The following GML variants were observed in gnomAD, a reference collection of about 807,000 sequenced individuals.
GML encodes the protein glycosyl-phosphatidylinositol-anchored molecule-like protein.
A neutral mutation model predicts 8.2 loss-of-function variants in GML; 5 were observed. The observed-to-expected ratio is 0.61, with a 90% CI of 0.32 to 1.28. The LOEUF is 1.28. Ranked by LOEUF, GML falls within the 50% of genes most tolerant of loss-of-function variation. The pLI is 0.06. For missense variants in GML, 191 were observed against 198.3 expected (o/e 0.96, Z 0.22); for synonymous variants, 72 against 69.0 (o/e 1.04, Z -0.22).
chr8:142,840,429 C>A lies in GML; in HGVS notation c.-9C>A. ...CCTTCCCTTCAGGTCCAGGCTCCTG[C>A]GTGAAGTGATGCTCCTCTTTGCCTT... On this transcript the variant is annotated 5_prime_UTR_variant, in exon 2 of 4. An upstream open reading frame in the 5' UTR gains an earlier in-frame stop. Coordinates refer to ENST00000220940, the MANE Select transcript of GML (RefSeq NM_002066.3). The A allele has an allele frequency of 6.2e-7, 1 of 1,611,102 alleles. No homozygotes were observed. The highest frequency in any genetic ancestry group is 8.5e-7 in the Non-Finnish European group (1 of 1,177,232).
intron 3 of GML, among the ~76,000 whole-genome samples, chr8:142,844,816 G>A (rs1387825926): frequency 1.3e-5 from 2 of 152,186 alleles, no homozygotes; most frequent in Non-Finnish European, 2.9e-5. Context: ...TCTGAACTGT[G>A]CACAATCCCT....
At chr8:142,842,241 C>T (rs1249878738) in intron 3 of GML, among the ~76,000 whole-genome samples, 1 of 152,216 alleles carries the variant, frequency 6.6e-6, no homozygotes, top group Non-Finnish European at 1.5e-5. Flanking sequence ...TTCCTGAGGC[C>T]TCCCCAGCCA....
chr8:142,841,360 T>G (rs1002247302), intron 3 of GML, 135 bp downstream of exon 3: 4 of 645,690 alleles, frequency 6.2e-6, no homozygotes, highest in African/African-American at 1.8e-5. Context: ...CCATCCTGAG[T>G]GCGTTTCTGC....
At position 142,841,196 on chromosome 8, in the gene GML, A is replaced by C; in HGVS notation, c.152A>C (p.His51Pro). Residue 51 changes from histidine to proline, a missense_variant, in exon 3 of 4, where the codon CAT becomes CCT. Coordinates refer to ENST00000220940, the MANE Select transcript of GML (RefSeq NM_002066.3). ...CCCAACATTAGAGTATGTCCGTATC[A>C]TATTAGGCGCTGTATGACAATCTCC... ...NCPNIRVCPYHIRRCMTISIR... is the reference protein window; with the variant it reads ...NCPNIRVCPYPIRRCMTISIR... 6.5e-7 allele frequency: 1 copy of C among 1,548,022 alleles called. No individual in the cohort carries two copies. Among genetic ancestry groups the C allele is most frequent in the Non-Finnish European group, 8.9e-7 (1 of 1,120,102 alleles).
At chr8:142,845,040 C>T (rs1816485761) in intron 3 of GML, among the ~76,000 whole-genome samples, 1 of 152,190 alleles carries the variant, frequency 6.6e-6, no homozygotes, top group Non-Finnish European at 1.5e-5. Flanking sequence ...CCTCAATGTC[C>T]ATCAACAATA....
At chr8:142,839,802 T>G (rs377341679) in intron 1 of GML, among the ~76,000 whole-genome samples, 1 of 151,950 alleles carries the variant, frequency 6.6e-6, no homozygotes, top group East Asian at 1.9e-4. Flanking sequence ...AGGACTCAGG[T>G]GTGAGGTGCC....
chr8:142,843,210 C>G (rs1816459086), intron 3 of GML, among the ~76,000 whole-genome samples: 1 of 148,156 alleles, frequency 6.7e-6, no homozygotes, highest in African/African-American at 2.5e-5. Context: ...ACTATCTCTG[C>G]AACTTTTCTG....
At chr8:142,838,424 G>T (rs78356286) in intron 1 of GML, among the ~76,000 whole-genome samples, 22,747 of 152,106 alleles carry the variant, frequency 0.15, 2,093 homozygotes, top group East Asian at 0.48. Flanking sequence ...CGGGGTCTGA[G>T]TGGAGGGTAT....
rs752080921 is a variant in GML, at chr8:142,840,398, G to A, written c.-22-18G>A. ...GCCATGGCTCACTAACGTGTTGTAT[G>A]GGGCTCCTTCCCTTCAGGTCCAGGC... On this transcript the variant is annotated intron_variant, in intron 1 of 3. Coordinates refer to ENST00000220940, the MANE Select transcript of GML (RefSeq NM_002066.3). 23 of 1,505,910 alleles carry A rather than the reference G, an allele frequency of 1.5e-5. No individual in the cohort carries two copies. The highest frequency in any genetic ancestry group is 5.0e-5 in the Admixed American group (3 of 59,862). 93.3% of individuals were successfully genotyped at this position (1,505,910 alleles called of 1,614,324 possible).
intron 3 of GML, among the ~76,000 whole-genome samples, chr8:142,843,255 T>TACACACACACACACACACACACACACAC (rs55778635): frequency 2.9e-5 from 4 of 140,000 alleles, no homozygotes; most frequent in Admixed American, 7.1e-5. Flanking sequence ...AAAAGGTTCA[T>TACACACACACACACACACACACACACAC]ACACACACAC....
At chr8:142,838,033 T>C (rs537526842) in intron 1 of GML, among the ~76,000 whole-genome samples, 5 of 146,054 alleles carry the variant, frequency 3.4e-5, no homozygotes, top group Non-Finnish European at 7.5e-5. Context: ...AAGTGACAAA[T>C]GTATTTGCAA....
At chr8:142,841,024 A>C in intron 2 of GML, 94 bp from the exon 3 acceptor site, 1 of 728,268 alleles carries the variant, frequency 1.4e-6, no homozygotes, top group Non-Finnish European at 2.5e-6. Flanking sequence ...GCAGAGGGGA[A>C]GGGCTGGCCG....
In GML at chr8:142,846,754, A is replaced by T. The variant is rs772854866; in HGVS notation, c.*64A>T. The T allele has an allele frequency of 9.6e-6, 12 of 1,246,240 alleles. No individual in the cohort carries two copies. The highest frequency in any genetic ancestry group is 1.4e-5 in the Non-Finnish European group (12 of 868,276). The allele number at this position is 1,246,240 out of a possible 1,614,324, so 77.2% of individuals were successfully genotyped here. ...CCGCAGAGAAATGTTGCTCTCCATT[A>T]TTCCCTTCTAAGCCAGAGACCCTTA... On this transcript the variant is annotated 3_prime_UTR_variant, in exon 4 of 4. Transcript: ENST00000220940.
intron 3 of GML, 50 bp from the exon 4 acceptor site, chr8:142,846,345 C>T (rs375010101): frequency 2.2e-5 from 28 of 1,245,918 alleles, no homozygotes; most frequent in Non-Finnish European, 2.8e-5. Context: ...TCAATATTTA[C>T]AAGCAGAAAA....
At chr8:142,835,913 T>G (rs1816333129) in intron 1 of GML, among the ~76,000 whole-genome samples, 2 of 152,360 alleles carry the variant, frequency 1.3e-5, no homozygotes, top group Middle Eastern at 3.4e-3. Context: ...ATACTTTATT[T>G]CTATATATGT....
intron 1 of GML, 62 bp from the exon 2 acceptor site, chr8:142,840,354 G>A (rs1158391717): frequency 1.9e-6 from 2 of 1,032,562 alleles, no homozygotes; most frequent in East Asian, 2.4e-5. Context: ...GAGGCCAGGG[G>A]CATAGAGCTG....
Position 142,846,767 on chromosome 8 carries a change from C to A in GML, c.*77C>A. ...TTGCTCTCCATTATTCCCTTCTAAG[C>A]CAGAGACCCTTATCCACTGCTCCTC... On this transcript the variant is annotated 3_prime_UTR_variant, in exon 4 of 4. Coordinates refer to ENST00000220940, the MANE Select transcript of GML (RefSeq NM_002066.3). 2 of 1,105,234 alleles carry A rather than the reference C, an allele frequency of 1.8e-6. No homozygotes were observed. Among genetic ancestry groups the A allele is most frequent in the Non-Finnish European group, 2.7e-6 (2 of 751,828 alleles). The allele number at this position is 1,105,234 out of a possible 1,614,324, so 68.5% of individuals were successfully genotyped here. A position where few individuals can be genotyped will look rare whatever the true frequency, so the allele number is the denominator to read the frequency against.
At chr8:142,841,848 T>C (rs73715245) in intron 3 of GML, among the ~76,000 whole-genome samples, 3,499 of 152,282 alleles carry the variant, frequency 0.023, 137 homozygotes, top group African/African-American at 0.08. Flanking sequence ...GGCGCACAGG[T>C]GGAGCCTCGT....
intron 1 of GML, among the ~76,000 whole-genome samples, chr8:142,835,838 C>T (rs929964078): frequency 2.0e-5 from 3 of 152,304 alleles, no homozygotes; most frequent in Admixed American, 6.5e-5. Context: ...CTGCACTCGC[C>T]GACGCTGACG....
Sources: allele counts gnomAD v4.1 joint callset (sites outside exome capture counted in the v4.1 genomes callset), GRCh38; gene constraint gnomAD v4.1.1; transcripts MANE v1.5; gene names NCBI Gene and HGNC (gene_info 2026-07-23, HGNC 2026-07-21).